HCRTR2: variants seen among roughly 807,000 people sequenced by gnomAD.
The protein encoded by HCRTR2 is orexin receptor type 2.
Under a neutral mutation model 49.0 loss-of-function variants are expected in HCRTR2, and 22 were observed. The ratio of observed to expected loss-of-function variants is 0.45; its 90% CI spans 0.32 to 0.64. The LOEUF is 0.64. Among genes scored for constraint, HCRTR2 ranks in the 30% least tolerant of loss-of-function variants. The pLI is 0.04. For synonymous variants in HCRTR2, 236 were observed against 205.3 expected, an observed-to-expected ratio of 1.15 and a Z score of -1.28; for missense variants, 491 against 559.4, an observed-to-expected ratio of 0.88 and a Z score of 1.23.
intron 1 of HCRTR2, among the ~76,000 whole-genome samples, chr6:55,218,282 A>G (rs1314814699): frequency 6.6e-6 from 1 of 152,218 alleles, no homozygotes; most frequent in East Asian, 1.9e-4. Context: ...ACAAACATTC[A>G]AACCATAGTG....
chr6:55,156,731 T>A (rs536499814), intron 1 of HCRTR2, among the ~76,000 whole-genome samples: 1 of 152,222 alleles, frequency 6.6e-6, no homozygotes, highest in Non-Finnish European at 1.5e-5. Context: ...TCCTGGGATA[T>A]AAAGTTGGCT....
intron 1 of HCRTR2, among the ~76,000 whole-genome samples, chr6:55,106,827 A>C (rs1032068233): frequency 6.6e-6 from 1 of 152,154 alleles, no homozygotes. Context: ...TTTTATACAA[A>C]TCTTTTGCAC....
At chr6:55,257,963 A>G (rs891895260) in intron 3 of HCRTR2, among the ~76,000 whole-genome samples, 2 of 152,074 alleles carry the variant, frequency 1.3e-5, no homozygotes, top group African/African-American at 4.8e-5. Context: ...AAATAATTCA[A>G]GGCAGATTTT....
At chr6:55,151,793 T>TA (rs1401872038) in intron 1 of HCRTR2, among the ~76,000 whole-genome samples, 245 of 145,440 alleles carry the variant, frequency 1.7e-3, no homozygotes, top group East Asian at 2.0e-3. Context: ...ATTTATTTCT[T>TA]AAAAAAAAAA....
chr6:55,139,886 G>A (rs1190114807), intron 1 of HCRTR2, among the ~76,000 whole-genome samples: 1 of 152,184 alleles, frequency 6.6e-6, no homozygotes, highest in African/African-American at 2.4e-5. Context: ...TCTAGAAAGT[G>A]AGTTCTTCCT....
At chr6:55,161,182 C>T (rs1439522007) in intron 1 of HCRTR2, among the ~76,000 whole-genome samples, 1 of 152,134 alleles carries the variant, frequency 6.6e-6, no homozygotes, top group Admixed American at 6.6e-5. Flanking sequence ...AAGAAACTCA[C>T]TCAAAACCGC....
chr6:55,264,378 A>C (rs1231301293), intron 4 of HCRTR2, among the ~76,000 whole-genome samples: 1 of 152,106 alleles, frequency 6.6e-6, no homozygotes, highest in Non-Finnish European at 1.5e-5. Flanking sequence ...TTGTTAGATA[A>C]TTCTGCTGTA....
At chr6:55,202,959 T>A (rs920998641) in intron 1 of HCRTR2, among the ~76,000 whole-genome samples, 6 of 152,170 alleles carry the variant, frequency 3.9e-5, no homozygotes, top group African/African-American at 1.4e-4. Flanking sequence ...AATATTTGGT[T>A]CCACATCAAA....
chr6:55,182,181 A>G (rs1019332943), intron 1 of HCRTR2, among the ~76,000 whole-genome samples: 1 of 152,214 alleles, frequency 6.6e-6, no homozygotes. Flanking sequence ...TATCCCTAAA[A>G]GGTGGACTCT....
intron 2 of HCRTR2, among the ~76,000 whole-genome samples, chr6:55,254,176 C>G (rs1457343129): frequency 6.6e-6 from 1 of 151,470 alleles, no homozygotes; most frequent in African/African-American, 2.4e-5. Context: ...GATAAATAAG[C>G]AAATTAAGCA....
At chr6:55,237,665 C>T (rs928786249) in intron 1 of HCRTR2, among the ~76,000 whole-genome samples, 2 of 152,154 alleles carry the variant, frequency 1.3e-5, no homozygotes, top group Non-Finnish European at 2.9e-5. Flanking sequence ...AGGATATTGG[C>T]CTTTGATGTC....
chr6:55,127,268 C>A (rs540088770), intron 1 of HCRTR2, among the ~76,000 whole-genome samples: 1 of 152,098 alleles, frequency 6.6e-6, no homozygotes, highest in South Asian at 2.1e-4. Context: ...AGTATCTGGG[C>A]TGGAGTGTGC....
At chr6:55,123,080 A>G (rs1344897101) in intron 1 of HCRTR2, among the ~76,000 whole-genome samples, 1 of 151,924 alleles carries the variant, frequency 6.6e-6, no homozygotes. Context: ...ACAAACCTGC[A>G]TGTTGTGCAC....
At chr6:55,234,251 A>G (rs1295567370) in intron 1 of HCRTR2, among the ~76,000 whole-genome samples, 1 of 152,198 alleles carries the variant, frequency 6.6e-6, no homozygotes, top group Non-Finnish European at 1.5e-5. Flanking sequence ...TATAAATTTT[A>G]CACAATCAAT....
intron 1 of HCRTR2, among the ~76,000 whole-genome samples, chr6:55,154,840 A>C (rs1014389461): frequency 6.6e-6 from 1 of 151,812 alleles, no homozygotes; most frequent in Admixed American, 6.6e-5. Context: ...CAAACACACA[A>C]ACAAACAAAA....
At chr6:55,263,661 C>CAAT (rs1562026512) in intron 3 of HCRTR2, 46 bp from the exon 4 acceptor site, 1 of 961,092 alleles carries the variant, frequency 1.0e-6, no homozygotes, top group Admixed American at 1.8e-5. Context: ...TTTTAAAAGT[C>CAAT]CATCAATTGT....
chr6:55,254,532 T>C (rs1214941066), intron 2 of HCRTR2, among the ~76,000 whole-genome samples: 1 of 152,136 alleles, frequency 6.6e-6, no homozygotes, highest in African/African-American at 2.4e-5. Flanking sequence ...CATAAGGAGA[T>C]TCGCATACAA....
intron 1 of HCRTR2, among the ~76,000 whole-genome samples, chr6:55,199,728 GA>G (rs1451094690): frequency 6.6e-6 from 1 of 151,992 alleles, no homozygotes; most frequent in African/African-American, 2.4e-5. Context: ...GTAATTTGGG[GA>G]AAATTTAAAG....
intron 1 of HCRTR2, among the ~76,000 whole-genome samples, chr6:55,115,918 T>G (rs1764110098): frequency 6.6e-6 from 1 of 151,740 alleles, no homozygotes; most frequent in African/African-American, 2.4e-5. Flanking sequence ...TTCCATGATG[T>G]ATGTGTGTAA....
Sources: allele counts gnomAD v4.1 joint callset (sites outside exome capture counted in the v4.1 genomes callset), GRCh38; gene constraint gnomAD v4.1.1; transcripts MANE v1.5; gene names NCBI Gene and HGNC (gene_info 2026-07-23, HGNC 2026-07-21).